ADAD2: variants seen among roughly 807,000 people sequenced by gnomAD.
ADAD2 encodes adenosine deaminase domain-containing protein 2.
Under a neutral mutation model 54.5 loss-of-function variants are expected in ADAD2, and 60 were observed. The observed-to-expected ratio is 1.10, with a 90% CI of 0.89 to 1.36. The LOEUF (loss-of-function observed/expected upper bound fraction) is 1.36, where lower values mean the gene tolerates loss of function less well. Ranked by LOEUF, ADAD2 falls within the 40% of genes most tolerant of loss-of-function variation. The pLI is 0.00. For synonymous variants in ADAD2, 543 were observed against 366.2 expected, an observed-to-expected ratio of 1.48 and a Z score of -5.51; for missense variants, 1,103 against 801.3, an observed-to-expected ratio of 1.38 and a Z score of -4.54.
Position 84,191,200 on chromosome 16 carries a change from G to A in ADAD2, c.-31G>A. On this transcript the variant is annotated 5_prime_UTR_variant, in exon 1 of 10. Coordinates refer to ENST00000315906, the MANE Select transcript of ADAD2 (RefSeq NM_001145400.2). ...AAAGGGCGAGAGCAGCGCGAGATAG[G>A]GCCTAGCGCCTCAGATCTTCGTTGG... 2 of 1,596,866 alleles carry A rather than the reference G, an allele frequency of 1.3e-6. No homozygotes were observed. Among genetic ancestry groups the A allele is most frequent in the East Asian group, 2.3e-5 (1 of 44,444 alleles).
intron 1 of ADAD2, chr16:84,194,236 G>C (rs1241843108): frequency 6.4e-7 from 1 of 1,556,004 alleles, no homozygotes; most frequent in East Asian, 2.4e-5. Flanking sequence ...GGACTTGGTT[G>C]AATCAGCGAT....
Position 84,195,986 on chromosome 16 carries a change from G to C in ADAD2, c.1224G>C (p.Leu408=). ...DKLARWAVLG[L]GGALLAHLVS... ...TGGCACGCTGGGCCGTGCTGGGGCT[G>C]GGTGGTGCCCTGCTGGCCCACCTGG... The change falls in exon 7 of 10, where the codon CTG becomes CTC. Residue 408 remains leucine, a synonymous_variant. Coordinates refer to ENST00000315906, the MANE Select transcript of ADAD2 (RefSeq NM_001145400.2). 6.3e-7 allele frequency: 1 copy of C among 1,598,860 alleles called. No individual in the cohort carries two copies. The highest frequency in any genetic ancestry group is 8.5e-7 in the Non-Finnish European group (1 of 1,179,546).
In ADAD2 at chr16:84,195,548, C is replaced by A. The variant is rs1260423934; in HGVS notation, c.903C>A (p.Leu301=). ...CTCCTAGGTTCTTGTTCCGGCAGCT[C>A]CTGCTGGCCACACAGGGGGGCCCCA... ...RALLRFLFRQ[L]LLATQGGPKG... Residue 301 remains leucine, a synonymous_variant, in exon 6 of 10, where the codon CTC becomes CTA. Coordinates refer to ENST00000315906, the MANE Select transcript of ADAD2 (RefSeq NM_001145400.2). The A allele has an allele frequency of 1.3e-6, 2 of 1,597,832 alleles. No homozygotes were observed. The highest frequency in any genetic ancestry group is 2.2e-5 in the South Asian group (2 of 89,030).
At chr16:84,194,652 G>T in intron 2 of ADAD2, 70 bp downstream of exon 2, 1 of 1,554,248 alleles carries the variant, frequency 6.4e-7, no homozygotes. Context: ...CAGTCCCGTG[G>T]GGAGGCGGAA....
In ADAD2 at chr16:84,191,206, GCGC is replaced by G; in HGVS notation, c.-23_-21del. The G allele has an allele frequency of 6.2e-7, 1 of 1,602,212 alleles. No homozygotes were observed. The highest frequency in any genetic ancestry group is 8.5e-7 in the Non-Finnish European group (1 of 1,173,372). On this transcript the variant is annotated 5_prime_UTR_variant, in exon 1 of 10. Transcript: ENST00000315906. ...CGAGAGCAGCGCGAGATAGGGCCTA[GCGC>G]CTCAGATCTTCGTTGGCGGCCATGG...
chr16:84,196,101 C>T, intron 7 of ADAD2, 26 bp from the exon 8 acceptor site: 7 of 1,600,286 alleles, frequency 4.4e-6, no homozygotes, highest in African/African-American at 1.3e-5. Flanking sequence ...GGTCACTCAC[C>T]TTGTCCTGTC....
At position 84,195,591 on chromosome 16, in the gene ADAD2, G is replaced by T. The variant is rs766129197; in HGVS notation, c.946G>T (p.Val316Leu). The change falls in exon 6 of 10, where the codon GTG (valine) becomes TTG (leucine). Residue 316 changes from valine to leucine, a missense_variant. Coordinates refer to ENST00000315906, the MANE Select transcript of ADAD2 (RefSeq NM_001145400.2). ...QGGPKGKEQS[V>L]LAPQPGPGPP... ...GGGCCCCAAGGGCAAGGAGCAGTCC[G>T]TGCTGGCCCCCCAGCCAGGGCCCGG... 1.2e-6 allele frequency: 2 copies of T among 1,604,136 alleles called. No homozygotes were observed. The highest frequency in any genetic ancestry group is 8.5e-7 in the Non-Finnish European group (1 of 1,175,676).
rs754036097 is a variant in ADAD2, at chr16:84,194,541, T to G, written c.518T>G (p.Leu173Arg). The G allele has an allele frequency of 6.2e-7, 1 of 1,609,838 alleles. No homozygotes were observed. Among genetic ancestry groups the G allele is most frequent in the Non-Finnish European group, 8.5e-7 (1 of 1,178,336 alleles). ...SKTEAKQQAA[L>R]SALCYIRSQL... ...ACGGAGGCCAAACAGCAGGCAGCGC[T>G]CTCTGCCCTCTGCTACATCCGGAGT... The change falls in exon 2 of 10, where the codon CTC becomes CGC. Residue 173 changes from leucine to arginine, a missense_variant. Transcript: ENST00000315906.
At chr16:84,194,808 G>A (rs891455749) in intron 2 of ADAD2, 125 bp from the exon 3 acceptor site, 53 of 1,285,778 alleles carry the variant, frequency 4.1e-5, no homozygotes, top group Admixed American at 2.3e-5. Context: ...ACCGCTAGAA[G>A]AGCAGCTCGT....
rs374108586 is a variant in ADAD2, at chr16:84,195,303, G to A, written c.741G>A (p.Pro247=). The A allele has an allele frequency of 4.0e-5, 65 of 1,611,296 alleles. No homozygotes were observed. Among genetic ancestry groups the A allele is most frequent in the South Asian group, 8.8e-5 (8 of 91,050 alleles). Residue 247 remains proline, a synonymous_variant, in exon 5 of 10, where the codon CCG becomes CCA. Transcript: ENST00000315906. ...CTGCCCCCTCCTGCACAGAGATCCC[G>A]CGTGCCAGGGGCCACGTGAAGGAGA... The part of the protein sequence containing the change: ...VAGVILEREI[P]RARGHVKEIY...
At chr16:84,192,110 AC>A (rs1334548137) in intron 1 of ADAD2, among the ~76,000 whole-genome samples, 1 of 152,094 alleles carries the variant, frequency 6.6e-6, no homozygotes, top group East Asian at 1.9e-4. Flanking sequence ...TTCAATACAT[AC>A]CCCTTAAATC....
In ADAD2 at chr16:84,196,775, C is replaced by G. The variant is rs371698191; in HGVS notation, c.1647+8C>G. ...ACCTACGAGGCTGCCAAGGTTGGTT[C>G]CCCACCCTCCCCCCGTCCCGGTCCC... On this transcript the variant is annotated splice_region_variant and intron_variant, in intron 9 of 9. Coordinates refer to ENST00000315906, the MANE Select transcript of ADAD2 (RefSeq NM_001145400.2). 144 of 1,604,886 alleles carry G rather than the reference C, an allele frequency of 9.0e-5. 1 individual carries two copies. Among genetic ancestry groups the G allele is most frequent in the Admixed American group, 2.0e-4 (12 of 59,696 alleles).
In ADAD2 at chr16:84,194,161, C is replaced by T. The variant is rs753702534; in HGVS notation, c.419-281C>T. On this transcript the variant is annotated intron_variant, in intron 1 of 9. Transcript: ENST00000315906. Reference sequence around the variant, plus strand: ...GGGTCCTGACTCAAGTTGGGCAAACCGCCTGCCGTTTCTGCTCATCTGTGA... The same window carrying T: ...GGGTCCTGACTCAAGTTGGGCAAACTGCCTGCCGTTTCTGCTCATCTGTGA... 6.8e-6 allele frequency: 11 copies of T among 1,607,108 alleles called. No individual in the cohort carries two copies. The East Asian group carries it at 1.1e-4, about 16-fold the overall frequency.
chr16:84,191,926 C>T lies in ADAD2; in HGVS notation c.418+278C>T, dbSNP rs553445241. ...TGACTTCCAGGGAGGTTAAGGCCCC[C>T]TGGTATTTCTGTATACGTTTTTAGA... On this transcript the variant is annotated intron_variant, in intron 1 of 9. Transcript: ENST00000315906. 75 of 565,134 alleles carry T rather than the reference C, an allele frequency of 1.3e-4. No homozygotes were observed. The African/African-American group carries it at 1.3e-3, about 10-fold the overall frequency. The allele number at this position is 565,134 out of a possible 1,614,324, so 35.0% of individuals were successfully genotyped here.
In ADAD2 at chr16:84,194,343, C is replaced by T. The variant is rs747475355; in HGVS notation, c.419-99C>T. Reference sequence around the variant, plus strand: ...GAAGGGTGGTGAGGGTCTCATTATTCTGACCGTCCTCGATATCAGGTGTCA... The same window carrying T: ...GAAGGGTGGTGAGGGTCTCATTATTTTGACCGTCCTCGATATCAGGTGTCA... On this transcript the variant is annotated intron_variant, in intron 1 of 9. Transcript: ENST00000315906. The T allele has an allele frequency of 6.5e-6, 10 of 1,544,252 alleles. No individual in the cohort carries two copies. In the East Asian group the frequency reaches 2.2e-4, roughly 34 times the overall value.
rs771486090 is a variant in ADAD2 at position 84,191,333 on chromosome 16, C to A, written c.103C>A (p.Leu35Ile). Residue 35 changes from leucine (L) to isoleucine (I), a missense_variant, in exon 1 of 10, where the codon CTA becomes ATA. Transcript: ENST00000315906. ...ISPQPRPWRPLPAQAQSAWGP... is the reference protein window; with the variant it reads ...ISPQPRPWRPIPAQAQSAWGP... ...CCCCCAGCCCCGCCCCTGGCGACCG[C>A]TACCCGCCCAGGCCCAAAGTGCCTG... 6 of 1,580,400 alleles carry A rather than the reference C, an allele frequency of 3.8e-6. No individual in the cohort carries two copies. Among genetic ancestry groups the A allele is most frequent in the African/African-American group, 1.4e-5 (1 of 73,640 alleles).
intron 1 of ADAD2, 51 bp from the exon 2 acceptor site, chr16:84,194,391 G>C (rs946791697): frequency 6.3e-7 from 1 of 1,582,194 alleles, no homozygotes; most frequent in Admixed American, 1.7e-5. Flanking sequence ...GGTGGTACCT[G>C]TCACAGGGCG....
Position 84,196,237 on chromosome 16 carries a change from C to T in ADAD2, c.1393C>T (p.His465Tyr). ...LPPPYVRTAL[H>Y]LFAGPPVAPS... ...ACCTCCCTACGTCCGGACCGCCCTGCACCTGTTTGCAGGGCCCCCGGTGGC... is the reference window on the plus strand; with the variant it reads ...ACCTCCCTACGTCCGGACCGCCCTGTACCTGTTTGCAGGGCCCCCGGTGGC... Residue 465 changes from histidine (H) to tyrosine (Y), a missense_variant, in exon 8 of 10, where the codon CAC becomes TAC. Physicochemically the swap from His to Tyr is moderately conservative, Grantham distance 83. Coordinates refer to ENST00000315906, the MANE Select transcript of ADAD2 (RefSeq NM_001145400.2). 6.2e-7 allele frequency: 1 copy of T among 1,612,158 alleles called. No homozygotes were observed. Among genetic ancestry groups the T allele is most frequent in the Non-Finnish European group, 8.5e-7 (1 of 1,179,912 alleles).
rs1174207058 is a variant in ADAD2, at chr16:84,192,386, G to C, written c.418+738G>C. ...ATTGTTCTTGAAGTCCTGGGCTCCA[G>C]CTATCTGACCTCCTGGGCCTCCAAA... On this transcript the variant is annotated intron_variant, in intron 1 of 9. Coordinates refer to ENST00000315906, the MANE Select transcript of ADAD2 (RefSeq NM_001145400.2). Among the ~76,000 whole-genome samples the C allele has an allele frequency of 2.0e-5, 3 of 152,172 alleles. No homozygotes were observed. In the East Asian group the frequency reaches 5.8e-4, roughly 29 times the overall value.
Sources: allele counts gnomAD v4.1 joint callset (sites outside exome capture counted in the v4.1 genomes callset), GRCh38; gene constraint gnomAD v4.1.1; transcripts MANE v1.5; gene names NCBI Gene and HGNC (gene_info 2026-07-23, HGNC 2026-07-21).